Variants in PRH1 observed in about 807,000 individuals in gnomAD.
PRH1 encodes the protein proline rich protein HaeIII subfamily 1.
Under a neutral mutation model 7.9 loss-of-function variants are expected in PRH1, and 7 were observed. The observed-to-expected ratio is 0.89, with a 90% CI of 0.50 to 1.67. The LOEUF (loss-of-function observed/expected upper bound fraction) is 1.67. Among genes scored for constraint, PRH1 ranks in the 40% most tolerant of loss-of-function variants. The probability of loss-of-function intolerance (pLI) is 0.00; values close to 1 mark genes in which losing one functional copy is unlikely to be tolerated. For missense variants in PRH1, 109 were observed against 223.6 expected, an observed-to-expected ratio of 0.49 and a Z score of 3.27; for synonymous variants, 45 against 80.8, an observed-to-expected ratio of 0.56 and a Z score of 2.38.
intron 3 of PRH1, among the ~76,000 whole-genome samples, chr12:10,881,459 TA>T (rs915390481): frequency 5.3e-5 from 8 of 152,180 alleles, no homozygotes; most frequent in African/African-American, 1.9e-4. Context: ...TATACAATTG[TA>T]AAAACAAACT....
chr12:11,008,306 T>A (rs1382908878), intron 1 of PRH1, among the ~76,000 whole-genome samples: 3 of 152,030 alleles, frequency 2.0e-5, no homozygotes. Flanking sequence ...TTTCTCCTAA[T>A]TCAAAATTTT....
At position 10,944,029 on chromosome 12, in the gene PRH1, T is replaced by A. The variant is rs148436539; in HGVS notation, c.-59+29626A>T. 3.9e-5 allele frequency among the ~76,000 whole-genome samples: 6 copies of A among 152,278 alleles called. No individual in the cohort carries two copies. In the East Asian group the frequency reaches 1.2e-3, roughly 29 times the overall value. On this transcript the variant is annotated intron_variant, in intron 2 of 3. Transcript: ENST00000539853. ...GATTCCTCTAGCTTTGTTAGCTCTG[T>A]TGTTTTCACTTAGTATTACTTTAAC... is the stretch of plus-strand genomic sequence containing the variant.
chr12:10,983,004 T>A (rs991945061), intron 1 of PRH1, among the ~76,000 whole-genome samples: 1 of 152,158 alleles, frequency 6.6e-6, no homozygotes, highest in Admixed American at 6.5e-5. Context: ...TTGTCTCAAG[T>A]CAAACCCGAA....
At chr12:11,070,461 C>T (rs1190680747) in intron 1 of PRH1, among the ~76,000 whole-genome samples, 2 of 147,426 alleles carry the variant, frequency 1.4e-5, no homozygotes, top group African/African-American at 2.5e-5. Flanking sequence ...ACATATAAAA[C>T]CACAAGTCAA....
intron 1 of PRH1, among the ~76,000 whole-genome samples, chr12:10,999,934 G>A (rs936533701): frequency 7.2e-5 from 11 of 151,962 alleles, no homozygotes; most frequent in Admixed American, 7.2e-4. Context: ...CTGTTCCACT[G>A]TATGGATTTA....
At chr12:11,051,898 T>C (rs558369251), upstream of PRH1, among the ~76,000 whole-genome samples, 1 of 152,284 alleles carries the variant, frequency 6.6e-6, no homozygotes, top group South Asian at 2.1e-4. Flanking sequence ...TTGATGTACA[T>C]ATGGGCAGCT....
chr12:10,954,049 GACAA>G (rs1181821019), intron 2 of PRH1, among the ~76,000 whole-genome samples: 1 of 152,110 alleles, frequency 6.6e-6, no homozygotes, highest in Non-Finnish European at 1.5e-5. Context: ...ATCTTTTTCA[GACAA>G]ACAAATGCTA....
At chr12:11,002,789 T>C (rs952729983) in intron 1 of PRH1, among the ~76,000 whole-genome samples, 1 of 152,056 alleles carries the variant, frequency 6.6e-6, no homozygotes, top group Admixed American at 6.6e-5. Context: ...TCTAATACAG[T>C]TGAAAAATTT....
intron 1 of PRH1, among the ~76,000 whole-genome samples, chr12:11,064,603 A>T (rs558297948): frequency 1.3e-5 from 2 of 152,234 alleles, no homozygotes; most frequent in South Asian, 4.1e-4. Context: ...TACTCCTGTC[A>T]GCTTTACCTC....
At chr12:11,059,005 C>T (rs1436125670) in intron 1 of PRH1, among the ~76,000 whole-genome samples, 1 of 152,196 alleles carries the variant, frequency 6.6e-6, no homozygotes, top group Non-Finnish European at 1.5e-5. Flanking sequence ...GAATGGAACA[C>T]CACACTGTGG....
chr12:11,023,416 T>C (rs561362411), intron 1 of PRH1, among the ~76,000 whole-genome samples: 1 of 152,172 alleles, frequency 6.6e-6, no homozygotes, highest in East Asian at 1.9e-4. Flanking sequence ...CTTTGGTATA[T>C]TTACACTCAA....
At chr12:11,012,198 G>T (rs1941098543) in intron 1 of PRH1, among the ~76,000 whole-genome samples, 1 of 151,980 alleles carries the variant, frequency 6.6e-6, no homozygotes, top group South Asian at 2.1e-4. Context: ...ATTATTTAAT[G>T]GTTTAAGATG....
chr12:11,124,006 C>G (rs1409346943), intron 1 of PRH1, among the ~76,000 whole-genome samples: 1 of 151,906 alleles, frequency 6.6e-6, no homozygotes, highest in African/African-American at 2.4e-5. Flanking sequence ...AAAATGGTAA[C>G]AAATTCCTTC....
At chr12:11,012,547 T>C (rs548200082) in intron 1 of PRH1, among the ~76,000 whole-genome samples, 1 of 152,162 alleles carries the variant, frequency 6.6e-6, no homozygotes, top group Non-Finnish European at 1.5e-5. Context: ...ACTTAAAAGA[T>C]ACCAGTGAAA....
intron 1 of PRH1, chr12:11,091,309 TG>T: frequency 8.2e-7 from 1 of 1,213,998 alleles, no homozygotes; most frequent in South Asian, 1.2e-5. Flanking sequence ...TCTATGGAGA[TG>T]AAGTCTTCTC....
At chr12:11,124,936 T>C (rs1003047361) in intron 1 of PRH1, among the ~76,000 whole-genome samples, 5 of 152,006 alleles carry the variant, frequency 3.3e-5, no homozygotes, top group Non-Finnish European at 5.9e-5. Flanking sequence ...TCTGCCTCCC[T>C]GGTTCAATTG....
Position 11,170,882 on chromosome 12 carries a change from T to C in PRH1, n.39+540A>G, listed in dbSNP as rs115510133. On this transcript the variant is annotated intron_variant and non_coding_transcript_variant, in intron 1 of 1. Coordinates refer to the PRH1 transcript ENST00000541175. ...TATGAATACAGAGACCTTGTGCTTT[T>C]ATTGGCGTAGGAATCATCTTGCCCT... Among the ~76,000 whole-genome samples, 400 of 152,320 alleles carry C rather than the reference T, an allele frequency of 2.6e-3. 2 individuals carry two copies. Among genetic ancestry groups the C allele is most frequent in the African/African-American group, 9.1e-3 (380 of 41,554 alleles).
chr12:10,982,868 A>G (rs1009129431), intron 1 of PRH1, among the ~76,000 whole-genome samples: 4 of 150,108 alleles, frequency 2.7e-5, no homozygotes, highest in African/African-American at 9.7e-5. Flanking sequence ...GTTGCCCTAT[A>G]TATATATACT....
At chr12:10,992,443 C>T (rs1367351032) in intron 1 of PRH1, among the ~76,000 whole-genome samples, 4 of 152,022 alleles carry the variant, frequency 2.6e-5, no homozygotes, top group Non-Finnish European at 4.4e-5. Flanking sequence ...TGTTTGGTTG[C>T]CCAGGCTAGA....
Sources: gnomAD v4.1 joint callset for allele counts (sites outside exome capture counted in the v4.1 genomes callset) on GRCh38, gnomAD v4.1.1 for gene constraint, MANE v1.5 for transcripts, NCBI Gene and HGNC (gene_info 2026-07-23, HGNC 2026-07-21) for gene names.